Variants in VWF observed in about 807,000 individuals in gnomAD.
VWF encodes von Willebrand factor.
Under a neutral mutation model 308.6 loss-of-function variants are expected in VWF, and 176 were observed. That is an observed-to-expected ratio of 0.57 (90% CI 0.50 to 0.65). The LOEUF (loss-of-function observed/expected upper bound fraction) is 0.65, where lower values mean the gene tolerates loss of function less well. VWF is among the 30% of genes least tolerant of loss of function. The pLI, the probability that VWF is intolerant of heterozygous loss-of-function variation, is 0.00. For missense variants in VWF, 3,146 were observed against 3,648.2 expected, an observed-to-expected ratio of 0.86 and a Z score of 3.55; for synonymous variants, 1,385 against 1,443.4, an observed-to-expected ratio of 0.96 and a Z score of 0.92.
chr12:6,002,877 C>CA (rs56832330), intron 34 of VWF, among the ~76,000 whole-genome samples: 6,381 of 147,662 alleles, frequency 0.043, 423 homozygotes, highest in African/African-American at 0.15. Context: ...TCCCCCACCA[C>CA]AAAAAAAAAA....
chr12:6,032,997 CACACACACGCACATGCAT>C (rs373144822), intron 20 of VWF, among the ~76,000 whole-genome samples: 5,942 of 148,778 alleles, frequency 0.04, 381 homozygotes, highest in African/African-American at 0.14. Context: ...TGCATACACC[CACACACACGCACATGCAT>C]ACACCCACAC....
Position 6,098,468 on chromosome 12 carries a change from C to T in VWF, c.533-2884G>A, listed in dbSNP as rs538685307. On this transcript the variant is annotated intron_variant, in intron 5 of 51. Coordinates refer to ENST00000261405, the MANE Select transcript of VWF (RefSeq NM_000552.5). ...CCTATTGAATTCATGACTAATCTCA[C>T]AAAAAAGTATAAGAAATTTCAAAAG... is the stretch of plus-strand genomic sequence containing the variant. Among the ~76,000 whole-genome samples, 7 of 152,224 alleles carry T rather than the reference C, an allele frequency of 4.6e-5. No homozygotes were observed. In the South Asian group the frequency reaches 1.5e-3, roughly 32 times the overall value.
At chr12:5,964,234 A>ACATACATACATACATG (rs1402813358) in intron 47 of VWF, among the ~76,000 whole-genome samples, 2 of 144,114 alleles carry the variant, frequency 1.4e-5, no homozygotes, top group Non-Finnish European at 1.5e-5. Flanking sequence ...ATACATACAT[A>ACATACATACATACATG]CATACATACA....
chr12:5,964,606 C>T (rs987672818), intron 47 of VWF, among the ~76,000 whole-genome samples: 2 of 152,190 alleles, frequency 1.3e-5, no homozygotes, highest in Non-Finnish European at 2.9e-5. Flanking sequence ...AGCACCCAGA[C>T]AGACGACCTG....
intron 16 of VWF, among the ~76,000 whole-genome samples, chr12:6,047,603 C>A (rs1407012216): frequency 6.6e-6 from 1 of 152,238 alleles, no homozygotes; most frequent in Non-Finnish European, 1.5e-5. Context: ...GACACTATGA[C>A]CTCTTGCCTG....
chr12:6,061,330 C>T (rs369975476), intron 13 of VWF, among the ~76,000 whole-genome samples: 2 of 152,230 alleles, frequency 1.3e-5, no homozygotes, highest in African/African-American at 4.8e-5. Context: ...GGTAACTAAA[C>T]GACCATGAGG....
At chr12:6,113,797 C>T (rs541958663) in intron 3 of VWF, among the ~76,000 whole-genome samples, 13 of 152,364 alleles carry the variant, frequency 8.5e-5, no homozygotes, top group African/African-American at 3.1e-4. Context: ...GGCATTTGCA[C>T]TGGGCCCAAG....
intron 42 of VWF, among the ~76,000 whole-genome samples, chr12:5,981,035 G>A (rs758838950): frequency 6.6e-6 from 1 of 152,108 alleles, no homozygotes; most frequent in Non-Finnish European, 1.5e-5. Context: ...ATTATATTCA[G>A]TTTATAGACT....
intron 34 of VWF, among the ~76,000 whole-genome samples, chr12:5,997,466 A>G (rs1159043428): frequency 2.0e-5 from 3 of 152,202 alleles, no homozygotes; most frequent in Non-Finnish European, 2.9e-5. Flanking sequence ...TTACAGCCAG[A>G]GAAACTAGGG....
In VWF at chr12:6,019,297, C is replaced by T. The variant is rs61750072; in HGVS notation, c.4121G>A (p.Arg1374His). The change falls in exon 28 of 52, where the codon CGC (arginine) becomes CAC (histidine). Residue 1374 changes from arginine (R) to histidine (H), a missense_variant. By Grantham distance (29) the Arg-to-His change is conservative. This residue lies in a region of VWF where 853 missense variants were observed against 1,177.8 expected (regional missense o/e 0.72). Coordinates refer to ENST00000261405, the MANE Select transcript of VWF (RefSeq NM_000552.5). The surrounding 1 kb of genome is among the most constrained non-coding windows in gnomAD (Gnocchi z 5.8). ...TLFQIFSKID[R>H]PEASRITLLL... ...CAGGGTGATGCGGGAGGCTTCAGGG[C>T]GGTCGATCTTGCTGAAGATTTGGAA... The T allele has an allele frequency of 1.2e-6, 2 of 1,613,878 alleles. No homozygotes were observed. The highest frequency in any genetic ancestry group is 1.7e-6 in the Non-Finnish European group (2 of 1,179,856).
chr12:6,081,239 C>T (rs1944907062), intron 6 of VWF, among the ~76,000 whole-genome samples: 1 of 152,194 alleles, frequency 6.6e-6, no homozygotes, highest in Admixed American at 6.5e-5. Flanking sequence ...CTCCAAAGAA[C>T]ACAGCTCTCC....
intron 43 of VWF, among the ~76,000 whole-genome samples, chr12:5,974,530 C>T (rs938579785): frequency 2.6e-5 from 4 of 152,166 alleles, no homozygotes; most frequent in Non-Finnish European, 4.4e-5. Flanking sequence ...AACTGGACAG[C>T]GGACCCGATC....
rs114451936 is a variant in VWF, at chr12:6,030,193, A to G, written c.2821-705T>C. 6.4e-3 allele frequency among the ~76,000 whole-genome samples: 968 copies of G among 152,270 alleles called. 11 individuals are homozygous for G. Among genetic ancestry groups the G allele is most frequent in the African/African-American group, 0.022 (920 of 41,550 alleles). ...TTGCAGAGGTCCTCTCATTAGTAAC[A>G]TATCACATGCAGTGCAGAGCTAATC... On this transcript the variant is annotated intron_variant, in intron 21 of 51. Transcript: ENST00000261405.
intron 34 of VWF, among the ~76,000 whole-genome samples, chr12:6,007,380 T>C (rs2136399377): frequency 6.6e-6 from 1 of 152,328 alleles, no homozygotes; most frequent in South Asian, 2.1e-4. Context: ...CCAAGTATCT[T>C]TTCTGACAAC....
intron 22 of VWF, 83 bp from the exon 23 acceptor site, chr12:6,026,129 G>A (rs555839060): frequency 1.8e-5 from 29 of 1,594,402 alleles, no homozygotes; most frequent in South Asian, 1.2e-4. Flanking sequence ...CATTCCTGGC[G>A]GCAATGGAGG....
chr12:6,055,240 A>T (rs1944563281), intron 15 of VWF, among the ~76,000 whole-genome samples: 8 of 152,248 alleles, frequency 5.3e-5, no homozygotes, highest in Non-Finnish European at 1.2e-4. Context: ...TCCTAAATTA[A>T]GAAATCCTGC....
At chr12:6,052,920 C>T (rs1175774586) in intron 15 of VWF, 137 bp from the exon 16 acceptor site, 10 of 1,306,382 alleles carry the variant, frequency 7.7e-6, no homozygotes, top group Non-Finnish European at 1.0e-5. Flanking sequence ...TGTAGACTTG[C>T]TTGCAATTAC....
chr12:6,020,852 A>T lies in VWF; in HGVS notation c.3674+1048T>A, dbSNP rs1225819647. ...TTGCAGCTTCAGCGTGCACCGTGGCAGCTGCCCCTGCCCGTGTGCCAGCAA... is the reference window on the plus strand; with the variant it reads ...TTGCAGCTTCAGCGTGCACCGTGGCTGCTGCCCCTGCCCGTGTGCCAGCAA... On this transcript the variant is annotated intron_variant, in intron 27 of 51. Coordinates refer to ENST00000261405, the MANE Select transcript of VWF (RefSeq NM_000552.5). This position sits in a 1 kb window ranked among gnomAD's most constrained non-coding sequence, Gnocchi z 4.3. 6.6e-6 allele frequency among the ~76,000 whole-genome samples: 1 copy of T among 152,246 alleles called. No individual in the cohort carries two copies. The highest frequency in any genetic ancestry group is 1.5e-5 in the Non-Finnish European group (1 of 68,044).
intron 38 of VWF, 115 bp downstream of exon 38, chr12:5,991,704 C>T (rs755539372): frequency 5.5e-5 from 62 of 1,131,320 alleles, no homozygotes; most frequent in Admixed American, 1.8e-4. Flanking sequence ...TAATGATCCC[C>T]GTAAGAGTCA....
Sources: allele counts gnomAD v4.1 joint callset (sites outside exome capture counted in the v4.1 genomes callset), GRCh38; gene constraint gnomAD v4.1.1; regional missense constraint gnomAD v4.1.1; non-coding constraint Gnocchi (gnomAD v3.1); transcripts MANE v1.5; gene names NCBI Gene and HGNC (gene_info 2026-07-23, HGNC 2026-07-21).